The following MIPOL1 variants were observed in gnomAD, a reference collection of about 807,000 sequenced individuals.
MIPOL1 encodes the protein mirror-image polydactyly gene 1 protein.
Under a neutral mutation model 60.9 loss-of-function variants are expected in MIPOL1, and 57 were observed. The ratio of observed to expected loss-of-function variants is 0.94; its 90% CI spans 0.76 to 1.17. The LOEUF (loss-of-function observed/expected upper bound fraction) is 1.17, where lower values mean the gene tolerates loss of function less well. Ranked by LOEUF, MIPOL1 falls within the 50% of genes most tolerant of loss-of-function variation. The pLI is 0.00. For synonymous variants in MIPOL1, 179 were observed against 168.8 expected (o/e 1.06, Z -0.47); for missense variants, 551 against 511.6 (o/e 1.08, Z -0.74).
chr14:37,526,562 T>TA (rs2095448860), intron 12 of MIPOL1, among the ~76,000 whole-genome samples: 1 of 149,974 alleles, frequency 6.7e-6, no homozygotes, highest in Admixed American at 6.7e-5. Context: ...TTTTTTTTTT[T>TA]AGTAGAGACG....
intron 5 of MIPOL1, among the ~76,000 whole-genome samples, chr14:37,269,671 G>T (rs1428377906): frequency 1.3e-5 from 2 of 152,084 alleles, no homozygotes; most frequent in Non-Finnish European, 2.9e-5. Context: ...ATTTGTATCA[G>T]ATATTAAGAT....
intron 9 of MIPOL1, among the ~76,000 whole-genome samples, chr14:37,349,733 C>A (rs1345545419): frequency 6.6e-6 from 1 of 152,144 alleles, no homozygotes; most frequent in Non-Finnish European, 1.5e-5. Flanking sequence ...TCACCTCTAT[C>A]ATTCTATATA....
intron 9 of MIPOL1, among the ~76,000 whole-genome samples, chr14:37,331,832 C>A (rs1567505587): frequency 6.6e-6 from 1 of 152,106 alleles, no homozygotes; most frequent in South Asian, 2.1e-4. Flanking sequence ...AAGTGAGTGT[C>A]CTTGTCTTGT....
At chr14:37,442,687 T>C (rs1458095465) in intron 11 of MIPOL1, among the ~76,000 whole-genome samples, 1 of 151,460 alleles carries the variant, frequency 6.6e-6, no homozygotes, top group African/African-American at 2.4e-5. Context: ...ATTTAAAAAA[T>C]TGTTACTGAA....
chr14:37,256,214 A>T (rs933391624), intron 3 of MIPOL1, among the ~76,000 whole-genome samples: 36 of 151,870 alleles, frequency 2.4e-4, no homozygotes, highest in African/African-American at 8.2e-4. Flanking sequence ...AAATTTTCAG[A>T]TTAATATTAA....
Position 37,419,145 on chromosome 14 carries a change from A to G in MIPOL1, c.937-3710A>G, listed in dbSNP as rs535465566. On this transcript the variant is annotated intron_variant, in intron 10 of 12. Coordinates refer to ENST00000684589, the MANE Select transcript of MIPOL1 (RefSeq NM_001388067.1). ...TGTACAGATTGTGATACATTCATAC[A>G]ATTGAATACTACTCAGTGGTATAAA... 5.3e-5 allele frequency among the ~76,000 whole-genome samples: 8 copies of G among 152,318 alleles called. No individual in the cohort carries two copies. The South Asian group carries it at 1.7e-3, about 32-fold the overall frequency.
chr14:37,443,111 A>G (rs1321081834), intron 11 of MIPOL1, among the ~76,000 whole-genome samples: 1 of 152,204 alleles, frequency 6.6e-6, no homozygotes, highest in Non-Finnish European at 1.5e-5. Flanking sequence ...TGATATTAGC[A>G]TAAGAATAGA....
At chr14:37,313,269 G>A (rs548420180) in intron 9 of MIPOL1, among the ~76,000 whole-genome samples, 93 of 152,262 alleles carry the variant, frequency 6.1e-4, no homozygotes, top group Admixed American at 9.8e-4. Flanking sequence ...AACTAGCCAG[G>A]ATTGGTGATT....
intron 10 of MIPOL1, among the ~76,000 whole-genome samples, chr14:37,394,084 A>ATATATATATATATATATC (rs1491106712): frequency 7.4e-6 from 1 of 134,674 alleles, no homozygotes; most frequent in South Asian, 2.4e-4. Flanking sequence ...ATATATATAT[A>ATATATATATATATATATC]TCTCCATGTT....
At chr14:37,384,095 A>C (rs1187030910) in intron 10 of MIPOL1, among the ~76,000 whole-genome samples, 1 of 151,958 alleles carries the variant, frequency 6.6e-6, no homozygotes, top group African/African-American at 2.4e-5. Flanking sequence ...CATATTTTAT[A>C]ATACCAGAGT....
chr14:37,526,464 G>A (rs546073027), intron 12 of MIPOL1, among the ~76,000 whole-genome samples: 3 of 148,690 alleles, frequency 2.0e-5, no homozygotes, highest in South Asian at 2.1e-4. Context: ...CCACCTCCCC[G>A]GTTTACGCCA....
At chr14:37,508,529 A>C (rs1433914782) in intron 12 of MIPOL1, among the ~76,000 whole-genome samples, 1 of 152,192 alleles carries the variant, frequency 6.6e-6, no homozygotes, top group Non-Finnish European at 1.5e-5. Flanking sequence ...ATGTATCTTC[A>C]GCAATATAGC....
chr14:37,350,740 C>T (rs1172629729), intron 9 of MIPOL1, among the ~76,000 whole-genome samples: 1 of 152,084 alleles, frequency 6.6e-6, no homozygotes, highest in Non-Finnish European at 1.5e-5. Flanking sequence ...CTACCCTTCC[C>T]GGCTTCTGGT....
At chr14:37,543,144 G>A (rs1000808721) in intron 12 of MIPOL1, among the ~76,000 whole-genome samples, 25 of 152,122 alleles carry the variant, frequency 1.6e-4, no homozygotes, top group Non-Finnish European at 7.4e-5. Flanking sequence ...TATCCTCAGA[G>A]GTCATGAAGT....
At chr14:37,310,447 A>G (rs989048541) in intron 9 of MIPOL1, among the ~76,000 whole-genome samples, 1 of 152,046 alleles carries the variant, frequency 6.6e-6, no homozygotes, top group African/African-American at 2.4e-5. Context: ...GCCCACAGCC[A>G]TTTCATCTAC....
chr14:37,470,697 G>A (rs2094674560), intron 11 of MIPOL1, among the ~76,000 whole-genome samples: 1 of 152,022 alleles, frequency 6.6e-6, no homozygotes. Flanking sequence ...TACACCGTCA[G>A]CGTGGGTTGC....
rs769505711 is a variant in MIPOL1 at position 37,546,968 on chromosome 14, C to G, written c.1326C>G (p.Ile442Met). ...GAACCGGGACCATGAGGACAGTGAT[C>G]TGATTGAAAAAAAACGACAGTCTGG... ...KVGTGTMRTV[I>M] The change falls in exon 13 of 13, where the codon ATC becomes ATG. Residue 442 changes from isoleucine to methionine, a missense_variant. Ile to Met is a conservative substitution (Grantham distance 10). Coordinates refer to ENST00000684589, the MANE Select transcript of MIPOL1 (RefSeq NM_001388067.1). 1 of 1,608,030 alleles carries G rather than the reference C, an allele frequency of 6.2e-7. No individual in the cohort carries two copies. The highest frequency in any genetic ancestry group is 1.7e-5 in the Admixed American group (1 of 59,742).
intron 12 of MIPOL1, among the ~76,000 whole-genome samples, chr14:37,538,083 C>T (rs1426725061): frequency 5.3e-5 from 8 of 152,194 alleles, no homozygotes; most frequent in Non-Finnish European, 1.2e-4. Context: ...CCTAATAACT[C>T]AGTGATCTAC....
At chr14:37,390,818 GTC>G (rs1381850137) in intron 10 of MIPOL1, among the ~76,000 whole-genome samples, 3 of 151,940 alleles carry the variant, frequency 2.0e-5, no homozygotes. Context: ...TATAATTAGA[GTC>G]TCTGAAGGAG....
Sources: allele counts gnomAD v4.1 joint callset (sites outside exome capture counted in the v4.1 genomes callset), GRCh38; gene constraint gnomAD v4.1.1; transcripts MANE v1.5; gene names NCBI Gene and HGNC (gene_info 2026-07-23, HGNC 2026-07-21).